Variants in KCND3 observed in about 807,000 individuals in gnomAD.
The protein encoded by KCND3 is A-type voltage-gated potassium channel KCND3.
Under a neutral mutation model 51.1 loss-of-function variants are expected in KCND3, and 9 were observed. That is an observed-to-expected ratio of 0.18 (90% CI 0.11 to 0.31). KCND3 has a LOEUF of 0.31. KCND3 is among the 10% of genes least tolerant of loss of function. The pLI, the probability that KCND3 is intolerant of heterozygous loss-of-function variation, is 1.00. For synonymous variants in KCND3, 349 were observed against 368.0 expected, an observed-to-expected ratio of 0.95 and a Z score of 0.59; for missense variants, 526 against 903.8, an observed-to-expected ratio of 0.58 and a Z score of 5.36.
intron 2 of KCND3, among the ~76,000 whole-genome samples, chr1:111,908,378 A>G (rs1346655162): frequency 6.6e-6 from 1 of 152,250 alleles, no homozygotes; most frequent in Non-Finnish European, 1.5e-5. Flanking sequence ...TGTTCTGAAC[A>G]AACTCATTTA....
At chr1:111,899,553 C>T (rs74109724) in intron 2 of KCND3, among the ~76,000 whole-genome samples, 4,722 of 152,272 alleles carry the variant, frequency 0.031, 244 homozygotes, top group African/African-American at 0.11. Flanking sequence ...TCTGTGATTT[C>T]GCACTCCCTC....
At chr1:111,968,730 C>T (rs989435427) in intron 2 of KCND3, among the ~76,000 whole-genome samples, 6 of 152,164 alleles carry the variant, frequency 3.9e-5, no homozygotes, top group Admixed American at 3.9e-4. Flanking sequence ...GGGCTTCTGA[C>T]AGGCTCCCCC....
chr1:111,878,229 T>C (rs1023030392), intron 2 of KCND3, among the ~76,000 whole-genome samples: 1 of 152,248 alleles, frequency 6.6e-6, no homozygotes, highest in Non-Finnish European at 1.5e-5. Flanking sequence ...GAGAAGCATG[T>C]ACGTGAAACC....
intron 2 of KCND3, among the ~76,000 whole-genome samples, chr1:111,904,644 C>G (rs1481290948): frequency 6.6e-6 from 1 of 152,208 alleles, no homozygotes; most frequent in Non-Finnish European, 1.5e-5. Context: ...CCCAGCCTCC[C>G]TCATCCTCTG....
intron 2 of KCND3, among the ~76,000 whole-genome samples, chr1:111,952,978 T>C (rs1213969834): frequency 1.3e-5 from 2 of 152,162 alleles, no homozygotes; most frequent in Non-Finnish European, 2.9e-5. Context: ...TTCTGGGCAT[T>C]ATTCTAAATG....
At chr1:111,826,983 G>C (rs1666607414) in intron 2 of KCND3, among the ~76,000 whole-genome samples, 1 of 152,204 alleles carries the variant, frequency 6.6e-6, no homozygotes, top group African/African-American at 2.4e-5. Flanking sequence ...ACTTATGGTT[G>C]AGCATCCCTA....
At chr1:111,946,385 C>T (rs1672778896) in intron 2 of KCND3, among the ~76,000 whole-genome samples, 3 of 152,186 alleles carry the variant, frequency 2.0e-5, no homozygotes, top group Admixed American at 2.0e-4. Flanking sequence ...TCTCGTAGAC[C>T]ATGTGCTGAG....
At chr1:111,829,795 C>T (rs987123428) in intron 2 of KCND3, among the ~76,000 whole-genome samples, 1 of 152,194 alleles carries the variant, frequency 6.6e-6, no homozygotes, top group Non-Finnish European at 1.5e-5. Flanking sequence ...TTGTTGCTAA[C>T]AAAATGGATT....
chr1:111,941,704 G>A (rs997138991), intron 2 of KCND3, among the ~76,000 whole-genome samples: 4 of 152,164 alleles, frequency 2.6e-5, no homozygotes, highest in African/African-American at 7.2e-5. Flanking sequence ...GGGGGACCCC[G>A]CAGCCCTGAC....
intron 2 of KCND3, among the ~76,000 whole-genome samples, chr1:111,869,933 A>G (rs1668756971): frequency 1.3e-5 from 2 of 152,228 alleles, no homozygotes; most frequent in Admixed American, 1.3e-4. Flanking sequence ...ACAGACACAC[A>G]TGTCACATGC....
chr1:111,773,587 A>G lies in KCND3; in HGVS notation c.*2490T>C, dbSNP rs1664003237. ...AGGGGTCCACCACCATGCCTGGCTA[A>G]TTTTTGTATTTTTAGTAGAGATGGG... is the stretch of plus-strand genomic sequence containing the variant. On this transcript the variant is annotated 3_prime_UTR_variant, in exon 8 of 8. Transcript: ENST00000302127. 6.6e-6 allele frequency: 1 copy of G among 151,618 alleles called. No individual in the cohort carries two copies. The highest frequency in any genetic ancestry group is 1.5e-5 in the Non-Finnish European group (1 of 67,880). The allele number at this position is 151,618 out of a possible 1,614,324, so 9.4% of individuals were successfully genotyped here. A position where few individuals can be genotyped will look rare whatever the true frequency, so the allele number is the denominator to read the frequency against.
intron 2 of KCND3, among the ~76,000 whole-genome samples, chr1:111,848,420 G>A (rs1414547785): frequency 2.6e-5 from 4 of 152,198 alleles, no homozygotes; most frequent in African/African-American, 7.2e-5. Context: ...GGGACTAACC[G>A]CTCCTTTCCT....
chr1:111,943,401 A>G (rs1672623079), intron 2 of KCND3, among the ~76,000 whole-genome samples: 1 of 152,178 alleles, frequency 6.6e-6, no homozygotes, highest in Non-Finnish European at 1.5e-5. Flanking sequence ...CCACTGGACT[A>G]GAGGCAGTTC....
intron 2 of KCND3, among the ~76,000 whole-genome samples, chr1:111,890,185 C>T (rs1669764920): frequency 6.6e-6 from 1 of 152,078 alleles, no homozygotes; most frequent in Non-Finnish European, 1.5e-5. Flanking sequence ...GTCATGTTGG[C>T]AGTTGGGATG....
intron 2 of KCND3, among the ~76,000 whole-genome samples, chr1:111,928,572 T>C (rs1671819375): frequency 6.6e-6 from 1 of 152,194 alleles, no homozygotes; most frequent in Non-Finnish European, 1.5e-5. Flanking sequence ...TGCATTTGCA[T>C]ATGTTGAGGT....
intron 2 of KCND3, among the ~76,000 whole-genome samples, chr1:111,918,477 GAC>G (rs1350333101): frequency 6.6e-6 from 1 of 152,150 alleles, no homozygotes; most frequent in Non-Finnish European, 1.5e-5. Context: ...GAGATGAAAA[GAC>G]ACAGTCCCAC....
chr1:111,878,718 T>TTGAGGGG (rs1669171330), intron 2 of KCND3, among the ~76,000 whole-genome samples: 2 of 152,062 alleles, frequency 1.3e-5, no homozygotes, highest in African/African-American at 2.4e-5. Context: ...GGAACAGCAG[T>TTGAGGGG]TGAGGGGTAA....
chr1:111,929,673 C>G (rs978246815), intron 2 of KCND3, among the ~76,000 whole-genome samples: 1 of 152,202 alleles, frequency 6.6e-6, no homozygotes, highest in Admixed American at 6.5e-5. Flanking sequence ...AGGGATCCCA[C>G]GACTGCCTCT....
At chr1:111,908,218 C>G (rs543574877) in intron 2 of KCND3, among the ~76,000 whole-genome samples, 1 of 152,298 alleles carries the variant, frequency 6.6e-6, no homozygotes, top group South Asian at 2.1e-4. Flanking sequence ...CAGCTGGGCA[C>G]TTTTCCATGC....
Sources: gnomAD v4.1 joint callset for allele counts (sites outside exome capture counted in the v4.1 genomes callset) on GRCh38, gnomAD v4.1.1 for gene constraint, MANE v1.5 for transcripts, NCBI Gene and HGNC (gene_info 2026-07-23, HGNC 2026-07-21) for gene names.